Variants in CBLB observed in about 807,000 individuals in gnomAD.
CBLB encodes the protein E3 ubiquitin-protein ligase CBL-B.
In CBLB, 31 loss-of-function variants were observed where a neutral mutation model predicts 104.9. The observed-to-expected ratio is 0.30, with a 90% CI of 0.22 to 0.40. The LOEUF (loss-of-function observed/expected upper bound fraction) is 0.40. CBLB is among the 10% of genes least tolerant of loss of function. The pLI, the probability that CBLB is intolerant of heterozygous loss-of-function variation, is 1.00. For missense variants in CBLB, 1,062 were observed against 1,214.6 expected, an observed-to-expected ratio of 0.87 and a Z score of 1.87; for synonymous variants, 440 against 422.6, an observed-to-expected ratio of 1.04 and a Z score of -0.51.
At chr3:105,722,318 T>A (rs1013609444) in intron 9 of CBLB, among the ~76,000 whole-genome samples, 23 of 151,910 alleles carry the variant, frequency 1.5e-4, no homozygotes, top group Non-Finnish European at 2.1e-4. Flanking sequence ...ACGTACATAG[T>A]CTCATACATT....
chr3:105,733,891 A>T, intron 9 of CBLB, 118 bp downstream of exon 9: 1 of 873,396 alleles, frequency 1.1e-6, no homozygotes, highest in Non-Finnish European at 1.8e-6. Flanking sequence ...TAAAATCTTT[A>T]CACAATCATT....
chr3:105,869,118 A>G, upstream of CBLB: 1 of 868,672 alleles, frequency 1.2e-6, no homozygotes. Flanking sequence ...ACTGCCCGAC[A>G]GCGGGTGCAG....
In CBLB at chr3:105,738,007, T is replaced by A. The variant is rs143862624; in HGVS notation, c.984-749A>T. 6.0e-4 allele frequency among the ~76,000 whole-genome samples: 92 copies of A among 152,282 alleles called. 1 individual carries two copies. The highest frequency in any genetic ancestry group is 2.2e-3 in the African/African-American group (90 of 41,576). On this transcript the variant is annotated intron_variant, in intron 7 of 18. Coordinates refer to ENST00000394030, the MANE Select transcript of CBLB (RefSeq NM_170662.5). ...GTTAAATCAGAAGTTGTACTTGTTA[T>A]TGAAAAATTCATTAAAAAATAAAAT...
At chr3:105,685,491 C>A (rs748861482) in intron 13 of CBLB, 25 bp from the exon 14 acceptor site, 28 of 1,599,474 alleles carry the variant, frequency 1.8e-5, no homozygotes, top group Admixed American at 5.0e-5. Flanking sequence ...AAAATCCAAT[C>A]TAGTTTAAGC....
chr3:105,839,485 G>T (rs550179634), intron 3 of CBLB: 5 of 152,282 alleles, frequency 3.3e-5, no homozygotes, highest in Non-Finnish European at 7.3e-5. Flanking sequence ...CAGAGATAGG[G>T]TAGAGAAGAA....
chr3:105,665,416 A>ATATATATAT (rs2064298989), intron 18 of CBLB, among the ~76,000 whole-genome samples: 2 of 98,654 alleles, frequency 2.0e-5, no homozygotes, highest in East Asian at 3.7e-4. Flanking sequence ...TAAATAAATA[A>ATATATATAT]ATATATATAT....
At chr3:105,827,543 A>G (rs2086783663) in intron 3 of CBLB, among the ~76,000 whole-genome samples, 1 of 152,128 alleles carries the variant, frequency 6.6e-6, no homozygotes, top group African/African-American at 2.4e-5. Context: ...GTCTCTGTTA[A>G]GGTCCTTAAA....
intron 3 of CBLB, among the ~76,000 whole-genome samples, chr3:105,801,801 C>A (rs1487823513): frequency 2.0e-5 from 3 of 152,160 alleles, no homozygotes; most frequent in Admixed American, 1.3e-4. Context: ...GGATAAGAAT[C>A]AAGGATATTG....
intron 6 of CBLB, among the ~76,000 whole-genome samples, chr3:105,743,653 T>C (rs976926784): frequency 1.9e-4 from 29 of 150,840 alleles, no homozygotes; most frequent in Non-Finnish European, 4.4e-5. Context: ...AAGCACAACC[T>C]AAGGAGCCAA....
At chr3:105,813,589 A>T (rs113151081) in intron 3 of CBLB, among the ~76,000 whole-genome samples, 107 of 152,238 alleles carry the variant, frequency 7.0e-4, no homozygotes, top group African/African-American at 2.5e-3. Flanking sequence ...GAAAGAAAAT[A>T]AAAATTAAAA....
At chr3:105,772,162 G>C (rs749744779) in intron 4 of CBLB, among the ~76,000 whole-genome samples, 1 of 152,162 alleles carries the variant, frequency 6.6e-6, no homozygotes, top group Non-Finnish European at 1.5e-5. Context: ...GCATGGTACT[G>C]GTATAATGAC....
At chr3:105,728,488 A>G (rs1198825986) in intron 9 of CBLB, among the ~76,000 whole-genome samples, 1 of 152,212 alleles carries the variant, frequency 6.6e-6, no homozygotes, top group Non-Finnish European at 1.5e-5. Flanking sequence ...AATGAAAACA[A>G]TTCCTTAACT....
chr3:105,656,905 GA>G lies in CBLB; in HGVS notation c.*2064del. ...GACATCTGAAACTGTTAAAACAAGTGAAAAATCATAATGACAAAACAGGGGT... is the reference window on the plus strand; with the variant it reads ...GACATCTGAAACTGTTAAAACAAGTGAAAATCATAATGACAAAACAGGGGT... On this transcript the variant is annotated 3_prime_UTR_variant, in exon 19 of 19. Coordinates refer to ENST00000394030, the MANE Select transcript of CBLB (RefSeq NM_170662.5). 2 of 212,732 alleles carry G rather than the reference GA, an allele frequency of 9.4e-6. No individual in the cohort carries two copies. The highest frequency in any genetic ancestry group is 1.9e-5 in the Non-Finnish European group (2 of 105,234). 13.2% of individuals were successfully genotyped at this position (212,732 alleles called of 1,614,324 possible). A position where few individuals can be genotyped will look rare whatever the true frequency, so the allele number is the denominator to read the frequency against.
chr3:105,852,233 C>T (rs1214390586), intron 3 of CBLB, among the ~76,000 whole-genome samples: 4 of 151,668 alleles, frequency 2.6e-5, no homozygotes, highest in African/African-American at 7.3e-5. Flanking sequence ...TGCTAAAATG[C>T]AAATTGTTAG....
chr3:105,685,425 C>A lies in CBLB; in HGVS notation c.2096G>T (p.Arg699Ile), dbSNP rs1315356101. The change falls in exon 14 of 19, where the codon AGA (arginine) becomes ATA (isoleucine). Residue 699 changes from arginine to isoleucine, a missense_variant. Physicochemically the swap from Arg to Ile is moderately conservative, Grantham distance 97 (BLOSUM62 -3). Around this residue, in one of 2 missense-constraint regions of CBLB, gnomAD observed 605 missense variants for 582.6 expected, o/e 1.04. Transcript: ENST00000394030. ...ATCATCATCTTCCTCTACTGGGTCT[C>A]TTGTTTTCTCTGAAAGAGAATTTGC... is the stretch of plus-strand genomic sequence containing the variant. ...PLANSLSEKT[R>I]DPVEEDDDEY... The A allele has an allele frequency of 1.2e-6, 2 of 1,613,330 alleles. No individual in the cohort carries two copies. The highest frequency in any genetic ancestry group is 1.7e-6 in the Non-Finnish European group (2 of 1,179,408).
chr3:105,710,976 TG>T (rs2070985047), intron 10 of CBLB, among the ~76,000 whole-genome samples: 2 of 151,890 alleles, frequency 1.3e-5, no homozygotes, highest in Admixed American at 6.6e-5. Context: ...CAATAATAAT[TG>T]GGAACTCATT....
At chr3:105,690,261 C>T (rs2067510587) in intron 13 of CBLB, among the ~76,000 whole-genome samples, 1 of 152,090 alleles carries the variant, frequency 6.6e-6, no homozygotes, top group African/African-American at 2.4e-5. Flanking sequence ...GAAACATATA[C>T]CAAGAGTCTA....
chr3:105,782,578 CTTTTTTTT>C (rs11333516), intron 3 of CBLB, among the ~76,000 whole-genome samples: 20,352 of 136,094 alleles, frequency 0.15, 1,309 homozygotes, highest in Admixed American at 0.25. Context: ...CTTTTCTTTT[CTTTTTTTT>C]TTTTTTTTTT....
At chr3:105,801,091 G>A (rs931606306) in intron 3 of CBLB, among the ~76,000 whole-genome samples, 8 of 151,656 alleles carry the variant, frequency 5.3e-5, no homozygotes, top group South Asian at 4.2e-4. Context: ...TTTCTTAATC[G>A]CTTGTGAGTT....
Sources: gnomAD v4.1 joint callset for allele counts (sites outside exome capture counted in the v4.1 genomes callset) on GRCh38, gnomAD v4.1.1 for gene constraint, gnomAD v4.1.1 regional missense constraint, MANE v1.5 for transcripts, NCBI Gene and HGNC (gene_info 2026-07-23, HGNC 2026-07-21) for gene names.